Variants in SNRNP200 observed in about 807,000 individuals in gnomAD.
SNRNP200 encodes the protein small nuclear ribonucleoprotein U5 subunit 200.
In SNRNP200, 66 loss-of-function variants were observed where a neutral mutation model predicts 255.2. That is an observed-to-expected ratio of 0.26 (90% CI 0.21 to 0.32). The LOEUF (loss-of-function observed/expected upper bound fraction) is 0.32, where lower values mean the gene tolerates loss of function less well. SNRNP200 is among the 10% of genes least tolerant of loss of function. SNRNP200 has a pLI of 1.00. For missense variants in SNRNP200, 1,585 were observed against 2,749.8 expected (o/e 0.58, Z 9.47); for synonymous variants, 939 against 1,027.8 (o/e 0.91, Z 1.65).
At chr2:96,305,074 G>C (rs1194872744) in intron 1 of SNRNP200, among the ~76,000 whole-genome samples, 2 of 152,288 alleles carry the variant, frequency 1.3e-5, no homozygotes, top group South Asian at 4.1e-4. Flanking sequence ...TGTCGAATCA[G>C]CTAAACAATT....
rs2063876588 is a variant in SNRNP200, at chr2:96,290,309, A to G, written c.2742+17T>C. On this transcript the variant is annotated intron_variant, in intron 20 of 44. Transcript: ENST00000323853. This position sits in a 1 kb window ranked among gnomAD's most constrained non-coding sequence, Gnocchi z 4.5. ...CTGCGGGGAAAGCATGAAGCACAAC[A>G]AGCAGTCCTCCCCTACCTTGGCATT... is the stretch of plus-strand genomic sequence containing the variant. 6.2e-7 allele frequency: 1 copy of G among 1,612,894 alleles called. No individual in the cohort carries two copies. Among genetic ancestry groups the G allele is most frequent in the African/African-American group, 1.3e-5 (1 of 74,826 alleles).
chr2:96,303,440 G>C (rs761786283), intron 2 of SNRNP200, 110 bp from the exon 3 acceptor site: 7 of 1,278,588 alleles, frequency 5.5e-6, no homozygotes, highest in East Asian at 4.6e-5. Flanking sequence ...GTTAATATCT[G>C]AAAACAGGTA....
intron 24 of SNRNP200, 116 bp from the exon 25 acceptor site, chr2:96,288,085 A>T: frequency 1.1e-6 from 1 of 870,320 alleles, no homozygotes; most frequent in Non-Finnish European, 1.9e-6. Context: ...ACCCTAACTC[A>T]AAGGCAAAGT....
Position 96,283,319 on chromosome 2 carries a change from C to T in SNRNP200, c.4797G>A (p.Pro1599=), listed in dbSNP as rs373420811. ...TGCTGTCACTTAGCTTCTCCAGGTACGGAATCAGATCCTTCTCGGTGCAGT... is the reference window on the plus strand; with the variant it reads ...TGCTGTCACTTAGCTTCTCCAGGTATGGAATCAGATCCTTCTCGGTGCAGT... ...FLHCTEKDLI[P]YLEKLSDSTL... Residue 1599 remains proline (P), a synonymous_variant, in exon 34 of 45, where the codon CCG becomes CCA. Transcript: ENST00000323853. The surrounding 1 kb of genome is among the most constrained non-coding windows in gnomAD (Gnocchi z 4.7). The T allele has an allele frequency of 1.7e-5, 28 of 1,613,996 alleles. No individual in the cohort carries two copies. The highest frequency in any genetic ancestry group is 8.0e-5 in the African/African-American group (6 of 74,890).
At position 96,274,983 on chromosome 2, in the gene SNRNP200, C is replaced by G. The variant is rs750544481; in HGVS notation, c.*29G>C. The G allele has an allele frequency of 1.9e-6, 3 of 1,612,720 alleles. No individual in the cohort carries two copies. Among genetic ancestry groups the G allele is most frequent in the South Asian group, 1.1e-5 (1 of 91,006 alleles). ...ACATTCCTAATTCAGGCTCAACTCT[C>G]CTTTACCCAAAAGTAAATGCCTCAG... is the stretch of plus-strand genomic sequence containing the variant. On this transcript the variant is annotated 3_prime_UTR_variant, in exon 45 of 45. Coordinates refer to ENST00000323853, the MANE Select transcript of SNRNP200 (RefSeq NM_014014.5).
In SNRNP200 at chr2:96,300,917, G is replaced by A. The variant is rs1365893351; in HGVS notation, c.630+81C>T. 4.4e-6 allele frequency: 5 copies of A among 1,149,082 alleles called. No individual in the cohort carries two copies. In the African/African-American group the frequency reaches 7.6e-5, roughly 17 times the overall value. 71.2% of individuals were successfully genotyped at this position (1,149,082 alleles called of 1,614,324 possible). A position where few individuals can be genotyped will look rare whatever the true frequency, so the allele number is the denominator to read the frequency against. On this transcript the variant is annotated intron_variant, in intron 5 of 44. Transcript: ENST00000323853. ...TAAAATTTATCTGGTTTAAACTAGA[G>A]AGCTTGTTTACACTAGAAGGGGTCC...
At chr2:96,300,605 T>C (rs1255550636) in intron 5 of SNRNP200, among the ~76,000 whole-genome samples, 2 of 151,878 alleles carry the variant, frequency 1.3e-5, no homozygotes, top group African/African-American at 4.8e-5. Flanking sequence ...CCACTAAAAA[T>C]ATAAAAAATT....
Position 96,277,241 on chromosome 2 carries a change from C to T in SNRNP200, c.5932G>A (p.Gly1978Arg), listed in dbSNP as rs752819149. Residue 1978 changes from glycine (G) to arginine (R), a missense_variant and splice_region_variant, in exon 42 of 45, where the codon GGA (glycine) becomes AGA (arginine). Coordinates refer to ENST00000323853, the MANE Select transcript of SNRNP200 (RefSeq NM_014014.5). This position sits in a 1 kb window ranked among gnomAD's most constrained non-coding sequence, Gnocchi z 4.4. ...ATGATGTCGAAAACACTCTCCACTC[C>T]CTGCAGTGAGTATTCAGACGTCAGG... ...SEHIKRCTDKGVESVFDIMEM... is the reference protein window; with the variant it reads ...SEHIKRCTDKRVESVFDIMEM... 5 of 1,614,002 alleles carry T rather than the reference C, an allele frequency of 3.1e-6. No homozygotes were observed. The highest frequency in any genetic ancestry group is 4.2e-6 in the Non-Finnish European group (5 of 1,180,002).
intron 5 of SNRNP200, among the ~76,000 whole-genome samples, 195 bp from the exon 6 acceptor site, chr2:96,299,622 T>C (rs56742757): frequency 0.026 from 3,894 of 152,284 alleles, 144 homozygotes; most frequent in African/African-American, 0.085. Flanking sequence ...TTATTAGATA[T>C]ATCTACTTTC....
chr2:96,279,611 T>C (rs781248311), intron 35 of SNRNP200, 52 bp from the exon 36 acceptor site: 4 of 1,231,712 alleles, frequency 3.2e-6, no homozygotes, highest in Non-Finnish European at 4.8e-6. Flanking sequence ...ACGGAGACCA[T>C]GCTCAGGAAG....
chr2:96,297,053 T>C lies in SNRNP200; in HGVS notation c.1395A>G (p.Glu465=), dbSNP rs2063921525. 2 of 1,614,088 alleles carry C rather than the reference T, an allele frequency of 1.2e-6. No homozygotes were observed. The highest frequency in any genetic ancestry group is 2.2e-5 in the South Asian group (2 of 91,090). ...CAGCCTGGGCATACTTTGGCAGCTT[T>C]TCCACTGGAAGCAGTTGCTAGAAGA... ...FGSEEQLLPV[E]KLPKYAQAGF... Residue 465 remains glutamate, a synonymous_variant, in exon 12 of 45, where the codon GAA becomes GAG. Coordinates refer to ENST00000323853, the MANE Select transcript of SNRNP200 (RefSeq NM_014014.5).
Position 96,298,933 on chromosome 2 carries a change from T to G in SNRNP200, c.764A>C (p.Lys255Thr), listed in dbSNP as rs775973826. 1.9e-6 allele frequency: 3 copies of G among 1,614,094 alleles called. No individual in the cohort carries two copies. Among genetic ancestry groups the G allele is most frequent in the East Asian group, 2.2e-5 (1 of 44,894 alleles). The change falls in exon 7 of 45, where the codon AAG becomes ACG. Residue 255 changes from lysine (K) to threonine (T), a missense_variant. Lys to Thr is a moderately conservative substitution (Grantham distance 78). Coordinates refer to ENST00000323853, the MANE Select transcript of SNRNP200 (RefSeq NM_014014.5). ...AATATCCCGAGGGTGCAAATCCTTC[T>G]TCTTGGAACTCATCAGTTCACCTGA... Reference protein sequence around the residue: ...VASGELMSSKKKDLHPRDIDA... With the variant: ...VASGELMSSKTKDLHPRDIDA...
intron 43 of SNRNP200, among the ~76,000 whole-genome samples, chr2:96,275,798 C>T (rs574281997): frequency 1.3e-5 from 2 of 152,312 alleles, no homozygotes; most frequent in Admixed American, 6.5e-5. Flanking sequence ...GCCAGGAGAT[C>T]GAGACCATAC....
Position 96,288,712 on chromosome 2 carries a change from A to G in SNRNP200, c.3209T>C (p.Leu1070Pro), listed in dbSNP as rs2063865909. ...NVLLQAFISQ[L>P]KLEGFALMAD... is the part of the protein sequence containing the mutation. ...CATCAGTGCAAAGCCCTCCAATTTC[A>G]GCTGTGAGATGAAGGCTTGCAGAAG... Residue 1070 changes from leucine to proline, a missense_variant, in exon 24 of 45, where the codon CTG (leucine) becomes CCG (proline). Physicochemically the swap from Leu to Pro is moderately conservative, Grantham distance 98. Around this residue, in one of 9 missense-constraint regions of SNRNP200, gnomAD observed 719 missense variants for 1,091.1 expected, o/e 0.66. Transcript: ENST00000323853. The G allele has an allele frequency of 1.9e-6, 3 of 1,613,982 alleles. No homozygotes were observed. The highest frequency in any genetic ancestry group is 1.3e-5 in the African/African-American group (1 of 74,900).
chr2:96,290,961 C>A lies in SNRNP200; in HGVS notation c.2422-146G>T. 1 of 869,864 alleles carries A rather than the reference C, an allele frequency of 1.1e-6. No individual in the cohort carries two copies. The highest frequency in any genetic ancestry group is 1.4e-5 in the South Asian group (1 of 70,406). 53.9% of individuals were successfully genotyped at this position (869,864 alleles called of 1,614,324 possible). A position where few individuals can be genotyped will look rare whatever the true frequency, so the allele number is the denominator to read the frequency against. Reference sequence around the variant, plus strand: ...GGTCCCAGTACTTGTCAATGTGACACCAGAATAAAGAGGAAAGGTTTCCTT... The same window carrying A: ...GGTCCCAGTACTTGTCAATGTGACAACAGAATAAAGAGGAAAGGTTTCCTT... On this transcript the variant is annotated intron_variant, in intron 18 of 44. Coordinates refer to ENST00000323853, the MANE Select transcript of SNRNP200 (RefSeq NM_014014.5). The surrounding 1 kb of genome is among the most constrained non-coding windows in gnomAD (Gnocchi z 4.5).
chr2:96,284,013 AG>A lies in SNRNP200; in HGVS notation c.4393-10del. 1.8e-6 allele frequency: 1 copy of A among 555,374 alleles called. No homozygotes were observed. The highest frequency in any genetic ancestry group is 3.3e-6 in the Non-Finnish European group (1 of 300,996). 34.4% of individuals were successfully genotyped at this position (555,374 alleles called of 1,614,324 possible). ...ATCACTTCTAAGACAGGCTGGAAAG[AG>A]GGAGGGAGGGAGGGTCACTGCAGGC... On this transcript the variant is annotated splice_polypyrimidine_tract_variant and intron_variant, in intron 31 of 44. Coordinates refer to ENST00000323853, the MANE Select transcript of SNRNP200 (RefSeq NM_014014.5).
At position 96,279,553 on chromosome 2, in the gene SNRNP200, C is replaced by A; in HGVS notation, c.5031G>T (p.Val1677=). The A allele has an allele frequency of 6.2e-7, 1 of 1,610,374 alleles. No homozygotes were observed. The highest frequency in any genetic ancestry group is 1.1e-5 in the South Asian group (1 of 90,930). ...GAAGCACGTCATAGATGGGGTAATC[C>A]ACATAGCTGGTGACAGAAGCAGGGA... ...QYYNGKIHAY[V]DYPIYDVLQM... is the part of the protein sequence containing the mutation. The change falls in exon 36 of 45, where the codon GTG becomes GTT. Residue 1677 remains valine, a synonymous_variant. Coordinates refer to ENST00000323853, the MANE Select transcript of SNRNP200 (RefSeq NM_014014.5).
In SNRNP200 at chr2:96,286,366, G is replaced by C. The variant is rs774090560; in HGVS notation, c.3948C>G (p.Ala1316=). The stretch of plus-strand genomic sequence containing the variant: ...ATTTATCTTGGTAAAGACTCTCAAA[G>C]GCACTGTTTCTCAGAGCAGACACGG... ...PLPVSALRNS[A]FESLYQDKFP... Residue 1316 remains alanine, a synonymous_variant, in exon 29 of 45, where the codon GCC becomes GCG. Transcript: ENST00000323853. This position sits in a 1 kb window ranked among gnomAD's most constrained non-coding sequence, Gnocchi z 4.8. The C allele has an allele frequency of 6.2e-7, 1 of 1,614,200 alleles. No individual in the cohort carries two copies. The highest frequency in any genetic ancestry group is 1.3e-5 in the African/African-American group (1 of 75,060).
chr2:96,277,037 G>A lies in SNRNP200; in HGVS notation c.6092+44C>T, dbSNP rs1332186344. The A allele has an allele frequency of 1.9e-6, 3 of 1,613,916 alleles. No homozygotes were observed. The highest frequency in any genetic ancestry group is 3.3e-5 in the Admixed American group (2 of 60,024). On this transcript the variant is annotated intron_variant, in intron 42 of 44. Coordinates refer to ENST00000323853, the MANE Select transcript of SNRNP200 (RefSeq NM_014014.5). This position sits in a 1 kb window ranked among gnomAD's most constrained non-coding sequence, Gnocchi z 4.4. ...TCAGTGATGGGGCAGTGGGCTCAGA[G>A]CACACTATTATGCTGTGCCCAACAG...
Sources: allele counts gnomAD v4.1 joint callset (sites outside exome capture counted in the v4.1 genomes callset), GRCh38; gene constraint gnomAD v4.1.1; regional missense constraint gnomAD v4.1.1; non-coding constraint Gnocchi (gnomAD v3.1); transcripts MANE v1.5; gene names NCBI Gene and HGNC (gene_info 2026-07-23, HGNC 2026-07-21).